The following IL36B variants were observed in gnomAD, a reference collection of about 807,000 sequenced individuals.
IL36B encodes interleukin-36 beta.
IL36B carries 23 observed loss-of-function variants against 19.3 expected under a neutral mutation model. The ratio of observed to expected loss-of-function variants is 1.19; its 90% CI spans 0.86 to 1.69. The LOEUF is 1.69. IL36B is among the 40% of genes most tolerant of loss of function. The probability of loss-of-function intolerance (pLI) is 0.00; values close to 1 mark genes in which losing one functional copy is unlikely to be tolerated. For missense variants in IL36B, 217 were observed against 200.5 expected (o/e 1.08, Z -0.50); for synonymous variants, 59 against 59.7 (o/e 0.99, Z 0.05).
chr2:113,026,644 C>A (rs1178177030), intron 4 of IL36B, among the ~76,000 whole-genome samples: 3 of 152,128 alleles, frequency 2.0e-5, no homozygotes, highest in Admixed American at 2.0e-4. Context: ...ATTAAAATAA[C>A]TCTCACAAAA....
chr2:113,027,417 T>C lies in IL36B; in HGVS notation c.262-1185A>G. On this transcript the variant is annotated intron_variant, in intron 4 of 5. Coordinates refer to ENST00000259213, the MANE Select transcript of IL36B (RefSeq NM_014438.5). Reference sequence around the variant, plus strand: ...CACTGTGTGTCAAATTATTAACGAATGACATTAAGAATTCATTAGGATTAG... The same window carrying C: ...CACTGTGTGTCAAATTATTAACGAACGACATTAAGAATTCATTAGGATTAG... The C allele has an allele frequency of 1.0e-6, 1 of 959,354 alleles. No homozygotes were observed. Among genetic ancestry groups the C allele is most frequent in the Non-Finnish European group, 1.3e-6 (1 of 798,066 alleles). The allele number at this position is 959,354 out of a possible 1,614,324, so 59.4% of individuals were successfully genotyped here.
At chr2:113,041,844 C>T (rs180790684) in intron 1 of IL36B, among the ~76,000 whole-genome samples, 1 of 152,300 alleles carries the variant, frequency 6.6e-6, no homozygotes, top group Non-Finnish European at 1.5e-5. Context: ...CCTTGAACTC[C>T]TGGGCTCAAG....
chr2:113,022,724 T>A lies in IL36B; in HGVS notation c.445A>T (p.Lys149Ter). The change falls in exon 6 of 6, where the codon AAA becomes TAA. Residue 149 changes from lysine to a stop codon, truncating the protein, a stop_gained. Coordinates refer to ENST00000259213, the MANE Select transcript of IL36B (RefSeq NM_014438.5). LOFTEE classifies it high-confidence loss of function. ...TTGGTCCGCATGGATGAGAAATCTT[T>A]GTCCTTCTTCCTGAGATGGTGATGT... 6.2e-7 allele frequency: 1 copy of A among 1,613,590 alleles called. No homozygotes were observed.
At chr2:113,049,422 A>G (rs896984684) in intron 1 of IL36B, among the ~76,000 whole-genome samples, 1 of 152,176 alleles carries the variant, frequency 6.6e-6, no homozygotes, top group African/African-American at 2.4e-5. Context: ...ATATATATAG[A>G]ACTCCTGTAA....
chr2:113,024,707 T>A lies in IL36B; in HGVS notation c.391+1396A>T, dbSNP rs537832590. ...TGTGATGTAAGATGGGCTGGCTGTC[T>A]ATCTCTTGCTCATGTTCAGTGCCCT... On this transcript the variant is annotated intron_variant, in intron 5 of 5. Transcript: ENST00000259213. 5.1e-4 allele frequency among the ~76,000 whole-genome samples: 77 copies of A among 152,356 alleles called. 1 individual carries two copies. The highest frequency in any genetic ancestry group is 9.6e-4 in the Non-Finnish European group (65 of 68,026).
chr2:113,046,275 T>A lies in IL36B; in HGVS notation c.-58+6542A>T, dbSNP rs551388103. Among the ~76,000 whole-genome samples the A allele has an allele frequency of 2.4e-3, 358 of 149,452 alleles. 1 individual carries two copies. The highest frequency in any genetic ancestry group is 4.8e-3 in the Admixed American group (71 of 14,802). Reference sequence around the variant, plus strand: ...CCCAGGCTGGAGTGCAGTGGCACCATCTCGGCTTACTGCAAGCTCCACCTC... The same window carrying A: ...CCCAGGCTGGAGTGCAGTGGCACCAACTCGGCTTACTGCAAGCTCCACCTC... On this transcript the variant is annotated intron_variant, in intron 1 of 5. Coordinates refer to ENST00000259213, the MANE Select transcript of IL36B (RefSeq NM_014438.5).
intron 1 of IL36B, among the ~76,000 whole-genome samples, chr2:113,046,240 G>C (rs1413588993): frequency 1.4e-5 from 2 of 141,374 alleles, no homozygotes; most frequent in African/African-American, 2.7e-5. Flanking sequence ...GACGGAGTCT[G>C]GCTCTGTCAC....
chr2:113,042,360 A>G (rs1456566350), intron 1 of IL36B, among the ~76,000 whole-genome samples: 2 of 10,414 alleles, frequency 1.9e-4, no homozygotes, highest in Non-Finnish European at 2.8e-4. Flanking sequence ...TAAACGGCGC[A>G]AAATATACAA....
At chr2:113,024,234 C>A (rs1330532000) in intron 5 of IL36B, among the ~76,000 whole-genome samples, 1 of 152,030 alleles carries the variant, frequency 6.6e-6, no homozygotes, top group African/African-American at 2.4e-5. Flanking sequence ...AAGAAAGCAA[C>A]AAAAGCATCA....
At chr2:113,035,693 G>A (rs1341965397) in intron 1 of IL36B, among the ~76,000 whole-genome samples, 1 of 152,102 alleles carries the variant, frequency 6.6e-6, no homozygotes, top group African/African-American at 2.4e-5. Context: ...TAAATAAATG[G>A]GTGAGATAAA....
rs950051457 is a variant in IL36B, at chr2:113,031,868, T to A, written c.-57-102A>T. The A allele has an allele frequency of 6.4e-6, 4 of 627,680 alleles. No individual in the cohort carries two copies. In the African/African-American group the frequency reaches 7.3e-5, roughly 11 times the overall value. 38.9% of individuals were successfully genotyped at this position (627,680 alleles called of 1,614,324 possible). A position where few individuals can be genotyped will look rare whatever the true frequency, so the allele number is the denominator to read the frequency against. On this transcript the variant is annotated intron_variant, in intron 1 of 5. Transcript: ENST00000259213. The stretch of plus-strand genomic sequence containing the variant: ...ACTGTAAAAATTCTTTAGAGAGAGC[T>A]GCCCTGAGAGCCTCTCCTAGATGCA...
At chr2:113,023,269 ATT>A (rs1684894543) in intron 5 of IL36B, among the ~76,000 whole-genome samples, 1 of 152,186 alleles carries the variant, frequency 6.6e-6, no homozygotes, top group African/African-American at 2.4e-5. Flanking sequence ...CTCAAAACAT[ATT>A]TGTTGAATAA....
intron 5 of IL36B, chr2:113,026,083 T>C: frequency 6.2e-7 from 1 of 1,612,042 alleles, no homozygotes; most frequent in Non-Finnish European, 8.5e-7. Context: ...GTGGGATGGA[T>C]AAGAGAATTT....
At chr2:113,028,829 A>G (rs1685012791) in intron 4 of IL36B, 110 bp downstream of exon 4, 2 of 1,145,016 alleles carry the variant, frequency 1.7e-6, no homozygotes, top group Admixed American at 2.5e-5. Flanking sequence ...TTATTTCCTT[A>G]CATTGAATAG....
intron 1 of IL36B, among the ~76,000 whole-genome samples, chr2:113,036,287 A>T (rs1414835980): frequency 6.7e-6 from 1 of 149,952 alleles, no homozygotes; most frequent in Non-Finnish European, 1.5e-5. Flanking sequence ...GTGTTGTTAT[A>T]AAAAAAAAGA....
chr2:113,024,121 G>A (rs1684909999), intron 5 of IL36B, among the ~76,000 whole-genome samples: 1 of 152,124 alleles, frequency 6.6e-6, no homozygotes, highest in African/African-American at 2.4e-5. Context: ...AGATTCAGGG[G>A]ACAAACTATC....
At chr2:113,027,188 C>A (rs906969221) in intron 4 of IL36B, among the ~76,000 whole-genome samples, 9 of 152,044 alleles carry the variant, frequency 5.9e-5, no homozygotes, top group African/African-American at 1.7e-4. Flanking sequence ...AACAATCTAT[C>A]CTCATTATCT....
chr2:113,028,322 T>C lies in IL36B; in HGVS notation c.261+617A>G, dbSNP rs34065576. 3.3e-3 allele frequency among the ~76,000 whole-genome samples: 508 copies of C among 152,262 alleles called. 3 individuals are homozygous for C. The highest frequency in any genetic ancestry group is 0.012 in the African/African-American group (479 of 41,554). On this transcript the variant is annotated intron_variant, in intron 4 of 5. Coordinates refer to ENST00000259213, the MANE Select transcript of IL36B (RefSeq NM_014438.5). ...AGCCTGGCTCCACCCCAGGATCCTCTGACACAAGGTGCTCTGACTCTTTGA... is the reference window on the plus strand; with the variant it reads ...AGCCTGGCTCCACCCCAGGATCCTCCGACACAAGGTGCTCTGACTCTTTGA...
intron 5 of IL36B, chr2:113,022,824 T>C (rs1455357128): frequency 1.6e-6 from 2 of 1,289,986 alleles, no homozygotes; most frequent in South Asian, 2.4e-5. Context: ...GATGTGGACA[T>C]TTGCTAAACC....
Sources: allele counts gnomAD v4.1 joint callset (sites outside exome capture counted in the v4.1 genomes callset), GRCh38; gene constraint gnomAD v4.1.1; transcripts MANE v1.5; gene names NCBI Gene and HGNC (gene_info 2026-07-23, HGNC 2026-07-21).